Variants in CDH23 observed in about 807,000 individuals in gnomAD.
CDH23 encodes cadherin related 23.
In CDH23, 189 loss-of-function variants were observed where a neutral mutation model predicts 317.1. That is an observed-to-expected ratio of 0.60 (90% CI 0.53 to 0.67). The LOEUF is 0.67. Ranked by LOEUF, CDH23 falls within the 30% of genes least tolerant of loss-of-function variation. The pLI is 0.00. For missense variants in CDH23, 4,401 were observed against 4,592.4 expected, an observed-to-expected ratio of 0.96 and a Z score of 1.20; for synonymous variants, 1,839 against 1,876.8, an observed-to-expected ratio of 0.98 and a Z score of 0.52.
At chr10:71,808,858 C>A (rs1027631175) in intron 60 of CDH23, among the ~76,000 whole-genome samples, 1 of 152,184 alleles carries the variant, frequency 6.6e-6, no homozygotes, top group African/African-American at 2.4e-5. Context: ...GGCCTTTGAC[C>A]CCTCTGCCTT....
chr10:71,777,773 C>G lies in CDH23; in HGVS notation c.4939C>G (p.Pro1647Ala). 6.2e-7 allele frequency: 1 copy of G among 1,613,824 alleles called. No individual in the cohort carries two copies. Among genetic ancestry groups the G allele is most frequent in the Non-Finnish European group, 8.5e-7 (1 of 1,179,856 alleles). Residue 1647 changes from proline to alanine, a missense_variant, in exon 39 of 70, where the codon CCA (proline) becomes GCA (alanine). By Grantham distance (27) the Pro-to-Ala change is conservative (BLOSUM62 -1). This residue lies in a region of CDH23 where 3,068 missense variants were observed against 3,203.3 expected (regional missense o/e 0.96). Coordinates refer to ENST00000224721, the MANE Select transcript of CDH23 (RefSeq NM_022124.6). ...PHYEVLLDEG[P>A]DTLNTSLITI... ...CTATGAGGTGCTGCTGGATGAGGGCCCAGACACGCTCAACACCAGCCTCAT... is the reference window on the plus strand; with the variant it reads ...CTATGAGGTGCTGCTGGATGAGGGCGCAGACACGCTCAACACCAGCCTCAT...
chr10:71,457,840 G>A (rs970321136), intron 3 of CDH23, among the ~76,000 whole-genome samples: 2 of 152,232 alleles, frequency 1.3e-5, no homozygotes, highest in Non-Finnish European at 2.9e-5. Context: ...TATGAGATTA[G>A]TCAGCTTGCT....
chr10:71,643,338 C>T (rs1214221696), intron 11 of CDH23, among the ~76,000 whole-genome samples: 1 of 152,186 alleles, frequency 6.6e-6, no homozygotes, highest in African/African-American at 2.4e-5. Context: ...GTTCCCCTTA[C>T]ACTTTTTAAC....
At chr10:71,478,971 G>T (rs1216940735) in intron 3 of CDH23, among the ~76,000 whole-genome samples, 1 of 152,178 alleles carries the variant, frequency 6.6e-6, no homozygotes, top group East Asian at 1.9e-4. Flanking sequence ...GTCACATGGA[G>T]ACTTTATGCA....
At chr10:71,757,202 G>C (rs1840172239) in intron 38 of CDH23, among the ~76,000 whole-genome samples, 1 of 152,234 alleles carries the variant, frequency 6.6e-6, no homozygotes, top group Non-Finnish European at 1.5e-5. Context: ...CCTCTGGACG[G>C]CTAGTAAGCA....
chr10:71,716,434 G>A (rs534043861), intron 28 of CDH23: 2 of 1,037,872 alleles, frequency 1.9e-6, no homozygotes, highest in Admixed American at 3.0e-5. Flanking sequence ...ATGTGGATGG[G>A]GGCAAGGCAC....
At chr10:71,449,747 C>T (rs1850342062) in intron 3 of CDH23, among the ~76,000 whole-genome samples, 1 of 152,160 alleles carries the variant, frequency 6.6e-6, no homozygotes, top group African/African-American at 2.4e-5. Flanking sequence ...TTTATCCACC[C>T]CCAACCTTCT....
intron 44 of CDH23, among the ~76,000 whole-genome samples, chr10:71,788,169 T>C (rs1340602089): frequency 6.6e-6 from 1 of 152,158 alleles, no homozygotes; most frequent in Non-Finnish European, 1.5e-5. Context: ...TGTCTCAACT[T>C]CCCAAGTAGC....
At chr10:71,772,091 A>C (rs1840698965) in intron 38 of CDH23, among the ~76,000 whole-genome samples, 1 of 151,798 alleles carries the variant, frequency 6.6e-6, no homozygotes, top group Non-Finnish European at 1.5e-5. Flanking sequence ...TCCACCTCCC[A>C]TTCTCCTCCT....
rs12416240 is a variant in CDH23, at chr10:71,477,102, C to T, written c.145+30707C>T. ...CCCAGCAGGGTAGAGAAACCAGGGA[C>T]GCTCCTGGGCAGTTCCTGCAGATGT... is the stretch of plus-strand genomic sequence containing the variant. On this transcript the variant is annotated intron_variant, in intron 3 of 69. Coordinates refer to ENST00000224721, the MANE Select transcript of CDH23 (RefSeq NM_022124.6). Among the ~76,000 whole-genome samples the T allele has an allele frequency of 2.0e-3, 301 of 152,302 alleles. 6 individuals are homozygous for T. The highest frequency in any genetic ancestry group is 0.014 in the Admixed American group (211 of 15,298).
chr10:71,476,461 A>G lies in CDH23; in HGVS notation c.145+30066A>G, dbSNP rs568527769. Among the ~76,000 whole-genome samples the G allele has an allele frequency of 4.6e-5, 7 of 152,290 alleles. No homozygotes were observed. The South Asian group carries it at 1.2e-3, about 27-fold the overall frequency. On this transcript the variant is annotated intron_variant, in intron 3 of 69. Coordinates refer to ENST00000224721, the MANE Select transcript of CDH23 (RefSeq NM_022124.6). ...AGATGGCTGGGTAGGAAGCCAAGAA[A>G]GGGGCAAGATGTGTCCCCAGCTCCA...
chr10:71,813,319 G>A lies in CDH23; in HGVS notation c.9709G>A (p.Ala3237Thr). Residue 3237 changes from alanine to threonine, a missense_variant, in exon 69 of 70, where the codon GCC (alanine) becomes ACC (threonine). Coordinates refer to ENST00000224721, the MANE Select transcript of CDH23 (RefSeq NM_022124.6). ...KLFAQRMVQK[A>T]SSCHSSISEL... ...CTTTGCACAGCGGATGGTGCAAAAAGCCTCCTCCTGCCACTCCTCCATCTC... is the reference window on the plus strand; with the variant it reads ...CTTTGCACAGCGGATGGTGCAAAAAACCTCCTCCTGCCACTCCTCCATCTC... The A allele has an allele frequency of 1.9e-6, 3 of 1,551,598 alleles. No individual in the cohort carries two copies. The highest frequency in any genetic ancestry group is 2.6e-6 in the Non-Finnish European group (3 of 1,146,994).
At chr10:71,697,719 T>G (rs942171536) in intron 22 of CDH23, among the ~76,000 whole-genome samples, 1 of 151,498 alleles carries the variant, frequency 6.6e-6, no homozygotes, top group Admixed American at 6.6e-5. Context: ...GGGAGTGTCA[T>G]GTCACTCTTC....
At chr10:71,764,269 A>G (rs1367586162) in intron 38 of CDH23, among the ~76,000 whole-genome samples, 1 of 152,210 alleles carries the variant, frequency 6.6e-6, no homozygotes, top group East Asian at 1.9e-4. Flanking sequence ...TAACAATGCC[A>G]TAAGGTATTG....
chr10:71,526,371 T>A (rs1441543372), intron 6 of CDH23, among the ~76,000 whole-genome samples: 1 of 152,164 alleles, frequency 6.6e-6, no homozygotes, highest in East Asian at 1.9e-4. Flanking sequence ...ACTGCCTGGG[T>A]CCAAGGTGAG....
Position 71,486,717 on chromosome 10 carries a change from G to A in CDH23, c.146-23365G>A, listed in dbSNP as rs78988211. Among the ~76,000 whole-genome samples the A allele has an allele frequency of 5.4e-3, 819 of 152,300 alleles. 8 individuals carry two copies. The highest frequency in any genetic ancestry group is 0.016 in the African/African-American group (650 of 41,560). ...ACCTGACCTGGTGTGTCAAACTCCA[G>A]CGCTGTACTCTTGGGCTACTCTTCA... is the stretch of plus-strand genomic sequence containing the variant. On this transcript the variant is annotated intron_variant, in intron 3 of 69. Coordinates refer to ENST00000224721, the MANE Select transcript of CDH23 (RefSeq NM_022124.6).
Position 71,397,730 on chromosome 10 carries a change from C to A in CDH23, c.-6+412C>A, listed in dbSNP as rs1847589250. On this transcript the variant is annotated intron_variant, in intron 1 of 69. Transcript: ENST00000224721. The surrounding 1 kb of genome is among the most constrained non-coding windows in gnomAD (Gnocchi z 4.8). Reference sequence around the variant, plus strand: ...GATCCAATCCCCTCCCCTTCTGAGCCCTGGGTCCCCATTTGGACAGTGGGG... The same window carrying A: ...GATCCAATCCCCTCCCCTTCTGAGCACTGGGTCCCCATTTGGACAGTGGGG... Among the ~76,000 whole-genome samples, 1 of 152,056 alleles carries A rather than the reference C, an allele frequency of 6.6e-6. No individual in the cohort carries two copies. Among genetic ancestry groups the A allele is most frequent in the South Asian group, 2.1e-4 (1 of 4,824 alleles).
In CDH23 at chr10:71,580,380, G is replaced by A. The variant is rs185385752; in HGVS notation, c.832+2388G>A. Among the ~76,000 whole-genome samples the A allele has an allele frequency of 1.4e-4, 22 of 152,342 alleles. No individual in the cohort carries two copies. In the East Asian group the frequency reaches 4.1e-3, roughly 28 times the overall value. On this transcript the variant is annotated intron_variant, in intron 9 of 69. Coordinates refer to ENST00000224721, the MANE Select transcript of CDH23 (RefSeq NM_022124.6). ...TTGAAACCACAGGGAAGGGATGTGT[G>A]TGGAGGCGAGGGCAGGAGACAGAAA...
chr10:71,470,709 T>A (rs1851466637), intron 3 of CDH23, among the ~76,000 whole-genome samples: 1 of 152,182 alleles, frequency 6.6e-6, no homozygotes, highest in Admixed American at 6.5e-5. Flanking sequence ...TCTGGGCTGG[T>A]CTAACTCCTG....
Sources: gnomAD v4.1 joint callset for allele counts (sites outside exome capture counted in the v4.1 genomes callset) on GRCh38, gnomAD v4.1.1 for gene constraint, gnomAD v4.1.1 regional missense constraint, Gnocchi (gnomAD v3.1) non-coding constraint, MANE v1.5 for transcripts, NCBI Gene and HGNC (gene_info 2026-07-23, HGNC 2026-07-21) for gene names.